EPM2A: variants seen among roughly 807,000 people sequenced by gnomAD.
EPM2A encodes the protein laforin.
Under a neutral mutation model 26.5 loss-of-function variants are expected in EPM2A, and 21 were observed. The observed-to-expected ratio is 0.79, with a 90% confidence interval of 0.56 to 1.14. The LOEUF is 1.14. Ranked by LOEUF, EPM2A falls within the 50% of genes most tolerant of loss-of-function variation. EPM2A has a pLI of 0.00. For missense variants in EPM2A, 458 were observed against 440.8 expected, an observed-to-expected ratio of 1.04 and a Z score of -0.35; for synonymous variants, 217 against 177.6, an observed-to-expected ratio of 1.22 and a Z score of -1.76.
chr6:145,735,077 G>T, intron 1 of EPM2A, 121 bp downstream of exon 1: 1 of 601,640 alleles, frequency 1.7e-6, no homozygotes, highest in Non-Finnish European at 2.5e-6. Context: ...AGGGACGCGG[G>T]CAAAAAGCCC....
chr6:145,703,075 A>C (rs2128626619), intron 1 of EPM2A, among the ~76,000 whole-genome samples: 1 of 150,068 alleles, frequency 6.7e-6, no homozygotes, highest in South Asian at 2.1e-4. Flanking sequence ...CTTATCAGCA[A>C]ATTTGATAAA....
At chr6:145,735,530 C>T (rs1266174766), upstream of EPM2A, 12 of 1,168,676 alleles carry the variant, frequency 1.0e-5, no homozygotes, top group Non-Finnish European at 1.3e-5. Context: ...TACCCGGGCC[C>T]GGAGTCCCCG....
chr6:145,610,612 T>A (rs1775372766), intron 2 of EPM2A, among the ~76,000 whole-genome samples: 1 of 152,246 alleles, frequency 6.6e-6, no homozygotes, highest in Admixed American at 6.5e-5. Context: ...GTAGTAAGCA[T>A]GTTTACAGTT....
At chr6:145,602,910 G>C (rs1445441695) in intron 2 of EPM2A, among the ~76,000 whole-genome samples, 1 of 152,116 alleles carries the variant, frequency 6.6e-6, no homozygotes, top group Admixed American at 6.6e-5. Flanking sequence ...CCGAGGTTTT[G>C]GAAGGAATCC....
At chr6:145,429,710 G>T (rs1249696294) in intron 4 of EPM2A, among the ~76,000 whole-genome samples, 1 of 152,148 alleles carries the variant, frequency 6.6e-6, no homozygotes, top group Non-Finnish European at 1.5e-5. Context: ...ATCTCTTATA[G>T]AAATTGTTGA....
At chr6:145,416,938 A>T (rs891900636) in intron 4 of EPM2A, among the ~76,000 whole-genome samples, 3 of 152,150 alleles carry the variant, frequency 2.0e-5, no homozygotes, top group Non-Finnish European at 4.4e-5. Context: ...AAATAATTTT[A>T]AAAACTGTAA....
chr6:145,659,801 C>T (rs1293886904), intron 2 of EPM2A, among the ~76,000 whole-genome samples: 2 of 152,204 alleles, frequency 1.3e-5, no homozygotes, highest in Non-Finnish European at 2.9e-5. Flanking sequence ...CCACAGAGTT[C>T]CAGCCAATCG....
At chr6:145,722,982 T>C (rs1437008696) in intron 1 of EPM2A, among the ~76,000 whole-genome samples, 1 of 152,216 alleles carries the variant, frequency 6.6e-6, no homozygotes, top group Admixed American at 6.5e-5. Context: ...TAAATTTCTG[T>C]TATTTAAACC....
At chr6:145,408,580 G>C (rs1274170728) in intron 4 of EPM2A, among the ~76,000 whole-genome samples, 1 of 152,056 alleles carries the variant, frequency 6.6e-6, no homozygotes, top group Non-Finnish European at 1.5e-5. Context: ...CCACTTAAGT[G>C]GGCCTTCTCA....
chr6:145,601,091 TAG>T (rs909523465), intron 2 of EPM2A, among the ~76,000 whole-genome samples: 1 of 152,252 alleles, frequency 6.6e-6, no homozygotes, highest in Non-Finnish European at 1.5e-5. Flanking sequence ...CTTTATTTAT[TAG>T]AGTTTTGTTG....
chr6:145,713,683 A>G (rs1775462667), intron 1 of EPM2A, among the ~76,000 whole-genome samples: 1 of 152,224 alleles, frequency 6.6e-6, no homozygotes, highest in Non-Finnish European at 1.5e-5. Context: ...TCAAAAAGTT[A>G]AACATAGAGT....
chr6:145,717,405 CA>C (rs1775692668), intron 1 of EPM2A, among the ~76,000 whole-genome samples: 1 of 152,142 alleles, frequency 6.6e-6, no homozygotes, highest in African/African-American at 2.4e-5. Context: ...AGGCCTTTGA[CA>C]AAATTCAACA....
downstream of EPM2A, among the ~76,000 whole-genome samples, chr6:145,497,441 C>T (rs2114747253): frequency 6.6e-6 from 1 of 152,320 alleles, no homozygotes; most frequent in South Asian, 2.1e-4. Context: ...GGGGTACAGA[C>T]ATGTTGCCAG....
chr6:145,601,322 GTTGT>G (rs1781414660), intron 2 of EPM2A, among the ~76,000 whole-genome samples: 1 of 152,030 alleles, frequency 6.6e-6, no homozygotes, highest in Non-Finnish European at 1.5e-5. Flanking sequence ...GTTTGTGTGT[GTTGT>G]TTTTGTTTTT....
intron 4 of EPM2A, among the ~76,000 whole-genome samples, chr6:145,406,013 CA>C (rs1778563886): frequency 6.9e-6 from 1 of 144,910 alleles, no homozygotes. Context: ...CACACACACA[CA>C]ACAGACAGAC....
At chr6:145,471,116 C>A (rs1779467851) in intron 4 of EPM2A, among the ~76,000 whole-genome samples, 1 of 152,092 alleles carries the variant, frequency 6.6e-6, no homozygotes, top group African/African-American at 2.4e-5. Flanking sequence ...AGACAGAACA[C>A]ATAATCATAA....
In EPM2A at chr6:145,427,157, CA is replaced by C. The variant is rs369438430; in HGVS notation, c.556-43061del. Among the ~76,000 whole-genome samples the C allele has an allele frequency of 3.8e-3, 579 of 152,332 alleles. 3 individuals are homozygous for C. Among genetic ancestry groups the C allele is most frequent in the African/African-American group, 0.013 (560 of 41,576 alleles). On this transcript the variant is annotated intron_variant, in intron 4 of 4. Coordinates refer to the EPM2A transcript ENST00000638717. ...CTGTGCTCATTCTGGCAACCTTAGACAGCCAATATCAAGTCCACACCCCTTG... is the reference window on the plus strand; with the variant it reads ...CTGTGCTCATTCTGGCAACCTTAGACGCCAATATCAAGTCCACACCCCTTG...
chr6:145,422,911 A>G (rs1259697460), intron 4 of EPM2A, among the ~76,000 whole-genome samples: 1 of 151,846 alleles, frequency 6.6e-6, no homozygotes, highest in East Asian at 1.9e-4. Flanking sequence ...GCCATGACTC[A>G]CTCACTTTTA....
intron 1 of EPM2A, chr6:145,721,269 C>T (rs1241052125): frequency 6.6e-6 from 1 of 152,158 alleles, no homozygotes; most frequent in Non-Finnish European, 1.5e-5. Context: ...CCATTTAAAA[C>T]CATAAAGATC....
Sources: gnomAD v4.1 joint callset for allele counts (sites outside exome capture counted in the v4.1 genomes callset) on GRCh38, gnomAD v4.1.1 for gene constraint, MANE v1.5 for transcripts, NCBI Gene and HGNC (gene_info 2026-07-23, HGNC 2026-07-21) for gene names.